DCBLD2: variants seen among roughly 807,000 people sequenced by gnomAD.
The protein encoded by DCBLD2 is discoidin, CUB and LCCL domain containing 2.
In DCBLD2, 54 loss-of-function variants were observed where a neutral mutation model predicts 86.8. The observed-to-expected ratio is 0.62, with a 90% confidence interval of 0.50 to 0.78. The LOEUF (loss-of-function observed/expected upper bound fraction) is 0.78, where lower values mean the gene tolerates loss of function less well. Ranked by LOEUF, DCBLD2 falls within the 30% of genes least tolerant of loss-of-function variation. The pLI is 0.00. For synonymous variants in DCBLD2, 354 were observed against 341.3 expected (o/e 1.04, Z -0.41); for missense variants, 908 against 954.2 (o/e 0.95, Z 0.64).
intron 2 of DCBLD2, among the ~76,000 whole-genome samples, chr3:98,871,800 G>A (rs1943285467): frequency 6.6e-6 from 1 of 152,094 alleles, no homozygotes; most frequent in African/African-American, 2.4e-5. Flanking sequence ...GAAAGAATTA[G>A]GGAGGATTCC....
intron 3 of DCBLD2, among the ~76,000 whole-genome samples, chr3:98,846,665 G>A (rs1239525311): frequency 6.6e-6 from 1 of 151,594 alleles, no homozygotes; most frequent in Non-Finnish European, 1.5e-5. Flanking sequence ...AGAAATTCCT[G>A]ATTAAGGTGG....
At chr3:98,804,458 T>C (rs1941792278) in intron 13 of DCBLD2, among the ~76,000 whole-genome samples, 1 of 152,204 alleles carries the variant, frequency 6.6e-6, no homozygotes, top group African/African-American at 2.4e-5. Flanking sequence ...TTAGTCTTGC[T>C]AGCAGTCTAT....
chr3:98,875,311 A>T (rs1246629201), intron 2 of DCBLD2, among the ~76,000 whole-genome samples: 1 of 152,196 alleles, frequency 6.6e-6, no homozygotes, highest in Non-Finnish European at 1.5e-5. Context: ...CTCCATCTCC[A>T]TTGCAACAAA....
Position 98,889,376 on chromosome 3 carries a change from T to C in DCBLD2, c.206-7609A>G, listed in dbSNP as rs149859932. Among the ~76,000 whole-genome samples the C allele has an allele frequency of 4.6e-5, 7 of 152,016 alleles. No individual in the cohort carries two copies. The East Asian group carries it at 1.4e-3, about 29-fold the overall frequency. On this transcript the variant is annotated intron_variant, in intron 1 of 15. Coordinates refer to ENST00000326840, the MANE Select transcript of DCBLD2 (RefSeq NM_080927.4). ...CTAATTAAAGGTTCTCAGGCTCCTA[T>C]TTCCACCTCCCTGGATTCTAACAAG... is the stretch of plus-strand genomic sequence containing the variant.
intron 2 of DCBLD2, among the ~76,000 whole-genome samples, chr3:98,851,137 A>C (rs1328795132): frequency 6.6e-6 from 1 of 152,212 alleles, no homozygotes; most frequent in Non-Finnish European, 1.5e-5. Flanking sequence ...TTCAAACAGG[A>C]AGTGAGGAAG....
chr3:98,806,940 C>A (rs1941850388), intron 13 of DCBLD2, among the ~76,000 whole-genome samples: 1 of 152,098 alleles, frequency 6.6e-6, no homozygotes. Flanking sequence ...GCCTGCCTGG[C>A]CTCAGTGGTT....
intron 2 of DCBLD2, among the ~76,000 whole-genome samples, chr3:98,849,951 TTAG>T (rs1375870082): frequency 3.9e-5 from 6 of 152,158 alleles, no homozygotes; most frequent in African/African-American, 1.4e-4. Flanking sequence ...TGATGATTAA[TTAG>T]TAGTATTCTT....
intron 1 of DCBLD2, among the ~76,000 whole-genome samples, chr3:98,895,688 C>T (rs1358872830): frequency 1.3e-5 from 2 of 152,152 alleles, no homozygotes; most frequent in Non-Finnish European, 2.9e-5. Context: ...TTATAGTAGG[C>T]GTCTCCTGCT....
At position 98,798,636 on chromosome 3, in the gene DCBLD2, G is replaced by A. The variant is rs1030281318; in HGVS notation, c.*736C>T. ...AGGGATCTGAATTCATGAGACTAAG[G>A]CAAGCATCACTCATCAGAAATACTC... On this transcript the variant is annotated 3_prime_UTR_variant, in exon 16 of 16. Transcript: ENST00000326840. The A allele has an allele frequency of 1.5e-4, 23 of 152,160 alleles. No homozygotes were observed. The highest frequency in any genetic ancestry group is 5.1e-4 in the African/African-American group (21 of 41,432). The allele number at this position is 152,160 out of a possible 1,614,324, so 9.4% of individuals were successfully genotyped here. A position where few individuals can be genotyped will look rare whatever the true frequency, so the allele number is the denominator to read the frequency against.
intron 3 of DCBLD2, among the ~76,000 whole-genome samples, chr3:98,831,779 C>A (rs1942327935): frequency 6.6e-6 from 1 of 152,002 alleles, no homozygotes; most frequent in African/African-American, 2.4e-5. Context: ...GTTTTGATTT[C>A]TATTTTTATT....
At position 98,901,476 on chromosome 3, in the gene DCBLD2, C is replaced by G. The variant is rs1236206142; in HGVS notation, c.-150G>C. Reference sequence around the variant, plus strand: ...CCCGCGCCGGGACCCTTCCGCCCCTCACCCCGCTTTCACCTACTCCTCCTT... The same window carrying G: ...CCCGCGCCGGGACCCTTCCGCCCCTGACCCCGCTTTCACCTACTCCTCCTT... On this transcript the variant is annotated 5_prime_UTR_variant, in exon 1 of 16. Transcript: ENST00000326840. The G allele has an allele frequency of 1.4e-6, 1 of 733,670 alleles. No homozygotes were observed. The highest frequency in any genetic ancestry group is 1.9e-5 in the African/African-American group (1 of 54,000). The allele number at this position is 733,670 out of a possible 1,614,324, so 45.4% of individuals were successfully genotyped here.
At chr3:98,839,162 T>TC (rs1491415781) in intron 3 of DCBLD2, among the ~76,000 whole-genome samples, 3 of 85,472 alleles carry the variant, frequency 3.5e-5, no homozygotes, top group East Asian at 9.5e-4. Context: ...TTTCTTTCTT[T>TC]CTTTCTTTCC....
chr3:98,810,719 G>A (rs1220437572), intron 12 of DCBLD2, among the ~76,000 whole-genome samples: 1 of 151,214 alleles, frequency 6.6e-6, no homozygotes, highest in Non-Finnish European at 1.5e-5. Context: ...AGAGACCAAA[G>A]TTTTTTTTTA....
rs575572180 is a variant in DCBLD2 at position 98,886,603 on chromosome 3, G to A, written c.206-4836C>T. On this transcript the variant is annotated intron_variant, in intron 1 of 15. Transcript: ENST00000326840. ...CCACCAGACTATAACTGATCAAAAA[G>A]GGTAGAAGCCTGTTAACCTAATTTT... Among the ~76,000 whole-genome samples, 158 of 152,062 alleles carry A rather than the reference G, an allele frequency of 1.0e-3. 5 individuals are homozygous for A. In the South Asian group the frequency reaches 0.031, roughly 30 times the overall value.
intron 2 of DCBLD2, among the ~76,000 whole-genome samples, chr3:98,854,848 A>G (rs2107490319): frequency 6.6e-6 from 1 of 152,298 alleles, no homozygotes; most frequent in African/African-American, 2.4e-5. Context: ...CACAGATAAA[A>G]ATCAATTCTG....
chr3:98,890,570 T>C (rs541633659), intron 1 of DCBLD2: 11 of 152,228 alleles, frequency 7.2e-5, no homozygotes, highest in East Asian at 1.9e-4. Flanking sequence ...AGTCAGTTTC[T>C]GAGCTGCCAA....
At chr3:98,870,802 A>AAAGAAAGG (rs1943266071) in intron 2 of DCBLD2, among the ~76,000 whole-genome samples, 2 of 135,866 alleles carry the variant, frequency 1.5e-5, no homozygotes, top group African/African-American at 5.5e-5. Context: ...AGAAAGAAAG[A>AAAGAAAGG]AAGAAAGAAA....
At chr3:98,826,419 A>G (rs905653642) in intron 3 of DCBLD2, among the ~76,000 whole-genome samples, 13 of 152,222 alleles carry the variant, frequency 8.5e-5, no homozygotes, top group African/African-American at 3.1e-4. Flanking sequence ...CTAAGAGCTC[A>G]GCTTCACTGC....
rs141128696 is a variant in DCBLD2 at position 98,891,154 on chromosome 3, A to ATG, written c.206-9389_206-9388dup. On this transcript the variant is annotated intron_variant, in intron 1 of 15. Coordinates refer to ENST00000326840, the MANE Select transcript of DCBLD2 (RefSeq NM_080927.4). ...TGAGTGCTTCAGTGTGAGTGTGAGAATGTGTGTGTGTGTGTGCATGTGTGA... is the reference window on the plus strand; with the variant it reads ...TGAGTGCTTCAGTGTGAGTGTGAGAATGTGTGTGTGTGTGTGTGCATGTGTGA... Among the ~76,000 whole-genome samples the ATG allele has an allele frequency of 2.1e-3, 306 of 146,172 alleles. 2 individuals are homozygous for ATG. Among genetic ancestry groups the ATG allele is most frequent in the African/African-American group, 7.1e-3 (285 of 40,272 alleles).
Sources: allele counts gnomAD v4.1 joint callset (sites outside exome capture counted in the v4.1 genomes callset), GRCh38; gene constraint gnomAD v4.1.1; transcripts MANE v1.5; gene names NCBI Gene and HGNC (gene_info 2026-07-23, HGNC 2026-07-21).